MIPOL1: variants seen among roughly 807,000 people sequenced by gnomAD.
The protein encoded by MIPOL1 is mirror-image polydactyly gene 1 protein.
MIPOL1 carries 57 observed loss-of-function variants against 60.9 expected under a neutral mutation model. That is an observed-to-expected ratio of 0.94 (90% CI 0.76 to 1.17). The LOEUF is 1.17. MIPOL1 is among the 50% of genes most tolerant of loss of function. MIPOL1 has a pLI of 0.00. For synonymous variants in MIPOL1, 179 were observed against 168.8 expected, an observed-to-expected ratio of 1.06 and a Z score of -0.47; for missense variants, 551 against 511.6, an observed-to-expected ratio of 1.08 and a Z score of -0.74.
At chr14:37,458,285 T>A (rs912968647) in intron 11 of MIPOL1, among the ~76,000 whole-genome samples, 15 of 152,118 alleles carry the variant, frequency 9.9e-5, no homozygotes, top group Admixed American at 4.6e-4. Flanking sequence ...ACAAAGAAAT[T>A]CTGGGCTTAA....
chr14:37,259,248 A>G (rs546266529), intron 3 of MIPOL1, among the ~76,000 whole-genome samples: 1 of 152,192 alleles, frequency 6.6e-6, no homozygotes, highest in East Asian at 1.9e-4. Context: ...TATGTGTACA[A>G]TATACCTTAT....
intron 11 of MIPOL1, among the ~76,000 whole-genome samples, chr14:37,468,699 A>G (rs1290468136): frequency 6.6e-6 from 1 of 152,224 alleles, no homozygotes; most frequent in African/African-American, 2.4e-5. Flanking sequence ...TGGTGAAAAG[A>G]CAGTTTCTCA....
At chr14:37,462,754 G>A (rs557618541) in intron 11 of MIPOL1, among the ~76,000 whole-genome samples, 5 of 152,178 alleles carry the variant, frequency 3.3e-5, no homozygotes, top group East Asian at 1.9e-4. Context: ...AAACATAACA[G>A]GAGTGACCTT....
At chr14:37,305,624 G>A (rs182705492) in intron 7 of MIPOL1, among the ~76,000 whole-genome samples, 28 of 151,684 alleles carry the variant, frequency 1.8e-4, no homozygotes, top group East Asian at 5.8e-4. Context: ...TGTGATATCC[G>A]TGATATTTCC....
chr14:37,332,672 A>G (rs2089804805), intron 9 of MIPOL1, among the ~76,000 whole-genome samples: 1 of 139,836 alleles, frequency 7.2e-6, no homozygotes, highest in African/African-American at 2.7e-5. Flanking sequence ...TCATCTGATT[A>G]TAGGATGAAT....
At chr14:37,275,781 G>T (rs1235492143) in intron 6 of MIPOL1, among the ~76,000 whole-genome samples, 2 of 150,978 alleles carry the variant, frequency 1.3e-5, no homozygotes, top group African/African-American at 2.4e-5. Context: ...TCACTTTAGA[G>T]CCTCTGCTTT....
At chr14:37,428,407 A>T (rs1276293721) in intron 11 of MIPOL1, among the ~76,000 whole-genome samples, 1 of 152,162 alleles carries the variant, frequency 6.6e-6, no homozygotes, top group Non-Finnish European at 1.5e-5. Flanking sequence ...CCTGGGCAAC[A>T]TGACCAAACC....
Position 37,446,857 on chromosome 14 carries a change from A to T in MIPOL1, c.1031+23908A>T, listed in dbSNP as rs185701439. ...CCAAACACCGCATGTTCTCACTCAT[A>T]GGTGGGAATTGAAGAATGAGAACAC... On this transcript the variant is annotated intron_variant, in intron 11 of 12. Coordinates refer to ENST00000684589, the MANE Select transcript of MIPOL1 (RefSeq NM_001388067.1). Among the ~76,000 whole-genome samples, 335 of 148,392 alleles carry T rather than the reference A, an allele frequency of 2.3e-3. 2 individuals carry two copies. The highest frequency in any genetic ancestry group is 7.7e-3 in the African/African-American group (313 of 40,704).
intron 1 of MIPOL1, among the ~76,000 whole-genome samples, chr14:37,227,128 A>G (rs1386209377): frequency 6.6e-6 from 1 of 152,178 alleles, no homozygotes; most frequent in Admixed American, 6.5e-5. Flanking sequence ...CAAATTTATT[A>G]TCTTACGGTT....
intron 1 of MIPOL1, among the ~76,000 whole-genome samples, chr14:37,229,067 A>G (rs763151681): frequency 7.9e-5 from 12 of 152,248 alleles, no homozygotes; most frequent in Non-Finnish European, 1.5e-4. Flanking sequence ...ATTTAAACAT[A>G]TATATACTTT....
In MIPOL1 at chr14:37,523,357, A is replaced by G. The variant is rs1400268033; in HGVS notation, c.1262+23219A>G. The G allele has an allele frequency of 9.0e-6, 3 of 334,002 alleles. No homozygotes were observed. In the Admixed American group the frequency reaches 1.5e-4, roughly 16 times the overall value. The allele number at this position is 334,002 out of a possible 1,614,324, so 20.7% of individuals were successfully genotyped here. A position where few individuals can be genotyped will look rare whatever the true frequency, so the allele number is the denominator to read the frequency against. On this transcript the variant is annotated intron_variant, in intron 12 of 12. Transcript: ENST00000684589. ...TTTTAAATGGTGATCTAGGTGTCCT[A>G]ATTAGTTATCGTAAAGTGAAAATTT...
chr14:37,395,063 A>G (rs943222765), intron 10 of MIPOL1, among the ~76,000 whole-genome samples: 2 of 152,114 alleles, frequency 1.3e-5, no homozygotes, highest in Non-Finnish European at 2.9e-5. Flanking sequence ...GTTGAAGATC[A>G]GTTGGCTATA....
intron 3 of MIPOL1, among the ~76,000 whole-genome samples, chr14:37,264,203 A>C (rs1418803390): frequency 6.6e-6 from 1 of 152,186 alleles, no homozygotes; most frequent in Non-Finnish European, 1.5e-5. Flanking sequence ...ATTCAGAAAT[A>C]AATTTGGGCT....
chr14:37,546,501 T>C (rs929059216), intron 12 of MIPOL1, among the ~76,000 whole-genome samples: 6 of 152,186 alleles, frequency 3.9e-5, no homozygotes, highest in African/African-American at 1.4e-4. Context: ...AAGTAACAGG[T>C]GAAACATTGC....
intron 12 of MIPOL1, among the ~76,000 whole-genome samples, chr14:37,521,006 G>A (rs139153788): frequency 0.046 from 6,700 of 144,686 alleles, 213 homozygotes; most frequent in South Asian, 0.064. Context: ...GCAAGATCTC[G>A]GCTCACTGTG....
Position 37,372,480 on chromosome 14 carries a change from G to A in MIPOL1, c.936+2856G>A, listed in dbSNP as rs113296671. Among the ~76,000 whole-genome samples the A allele has an allele frequency of 3.9e-5, 6 of 152,058 alleles. 1 individual carries two copies. The highest frequency in any genetic ancestry group is 3.9e-4 in the East Asian group (2 of 5,164). On this transcript the variant is annotated intron_variant, in intron 10 of 12. Coordinates refer to ENST00000684589, the MANE Select transcript of MIPOL1 (RefSeq NM_001388067.1). ...CACTAGATAATTTTGCAGGCCAGGCGTGGTGGTTCACACCTGTAATCCCAG... is the reference window on the plus strand; with the variant it reads ...CACTAGATAATTTTGCAGGCCAGGCATGGTGGTTCACACCTGTAATCCCAG...
intron 9 of MIPOL1, among the ~76,000 whole-genome samples, chr14:37,347,509 C>T (rs1041005401): frequency 2.0e-5 from 3 of 151,888 alleles, no homozygotes; most frequent in African/African-American, 7.3e-5. Flanking sequence ...TCTAATATGG[C>T]CAATATGAGT....
chr14:37,426,570 C>CATAT (rs68123796), intron 11 of MIPOL1, among the ~76,000 whole-genome samples: 2,240 of 85,508 alleles, frequency 0.026, 142 homozygotes, highest in African/African-American at 0.097. Context: ...TCAAAATATA[C>CATAT]ATATATATAT....
intron 1 of MIPOL1, among the ~76,000 whole-genome samples, chr14:37,232,252 C>G (rs1198887646): frequency 6.6e-6 from 1 of 152,038 alleles, no homozygotes; most frequent in African/African-American, 2.4e-5. Context: ...AAAGAAGTTA[C>G]TAATTGAAGA....
Sources: allele counts gnomAD v4.1 joint callset (sites outside exome capture counted in the v4.1 genomes callset), GRCh38; gene constraint gnomAD v4.1.1; transcripts MANE v1.5; gene names NCBI Gene and HGNC (gene_info 2026-07-23, HGNC 2026-07-21).